OSBP2: variants seen among roughly 807,000 people sequenced by gnomAD.
The protein encoded by OSBP2 is oxysterol binding protein 2.
In OSBP2, 66 loss-of-function variants were observed where a neutral mutation model predicts 96.0. The observed-to-expected ratio is 0.69, with a 90% CI of 0.56 to 0.84. OSBP2 has a LOEUF of 0.84. OSBP2 is among the 40% of genes least tolerant of loss of function. OSBP2 has a pLI of 0.00. For synonymous variants in OSBP2, 525 were observed against 520.9 expected (o/e 1.01, Z -0.11); for missense variants, 1,038 against 1,222.7 (o/e 0.85, Z 2.25).
intron 1 of OSBP2, among the ~76,000 whole-genome samples, chr22:30,707,386 C>T (rs555558564): frequency 1.3e-5 from 2 of 152,242 alleles, no homozygotes; most frequent in South Asian, 2.1e-4. Context: ...CGTGAGCCAC[C>T]GTGCCCGGCC....
At chr22:30,718,833 G>C (rs2089502014) in intron 1 of OSBP2, among the ~76,000 whole-genome samples, 1 of 152,242 alleles carries the variant, frequency 6.6e-6, no homozygotes, top group African/African-American at 2.4e-5. Flanking sequence ...CATGGGAACA[G>C]GGCTGATGGT....
intron 2 of OSBP2, among the ~76,000 whole-genome samples, chr22:30,858,842 G>T (rs2039143079): frequency 6.6e-6 from 1 of 151,068 alleles, no homozygotes; most frequent in Non-Finnish European, 1.5e-5. Flanking sequence ...TCGTACCACT[G>T]CACTCCAGGC....
intron 2 of OSBP2, among the ~76,000 whole-genome samples, chr22:30,799,298 C>G (rs190025368): frequency 1.4e-4 from 21 of 152,232 alleles, no homozygotes; most frequent in Middle Eastern, 3.4e-3. Flanking sequence ...TTAATAGAGA[C>G]AGGGTCTCAC....
chr22:30,787,811 A>G (rs753395675), intron 2 of OSBP2, among the ~76,000 whole-genome samples: 140 of 152,326 alleles, frequency 9.2e-4, no homozygotes, highest in Non-Finnish European at 1.8e-3. Flanking sequence ...AAGCCAAACC[A>G]TATCACCACT....
chr22:30,779,412 G>A (rs1008701716), intron 2 of OSBP2, among the ~76,000 whole-genome samples: 1 of 151,942 alleles, frequency 6.6e-6, no homozygotes. Context: ...TAAAATTTTG[G>A]TTTTTATATA....
At chr22:30,886,128 G>A (rs1017520688) in intron 3 of OSBP2, among the ~76,000 whole-genome samples, 4 of 152,252 alleles carry the variant, frequency 2.6e-5, no homozygotes, top group African/African-American at 9.6e-5. Flanking sequence ...GGGAGGTCCT[G>A]AGAACATGTG....
chr22:30,865,066 C>T (rs1489461291), intron 2 of OSBP2, among the ~76,000 whole-genome samples: 1 of 152,182 alleles, frequency 6.6e-6, no homozygotes, highest in East Asian at 1.9e-4. Context: ...ATCTGTTTTC[C>T]TCCAAAGATG....
intron 2 of OSBP2, among the ~76,000 whole-genome samples, chr22:30,772,526 G>A (rs2090361923): frequency 6.6e-6 from 1 of 152,172 alleles, no homozygotes; most frequent in Non-Finnish European, 1.5e-5. Flanking sequence ...TGTTTTGTGA[G>A]CTCAGCCAGA....
At chr22:30,725,259 C>T (rs1042981470) in intron 1 of OSBP2, among the ~76,000 whole-genome samples, 3 of 151,450 alleles carry the variant, frequency 2.0e-5, no homozygotes, top group African/African-American at 4.8e-5. Context: ...AATCCCAGCA[C>T]TTTGGGAGGC....
At chr22:30,855,207 A>G (rs1273945211) in intron 2 of OSBP2, among the ~76,000 whole-genome samples, 2 of 152,126 alleles carry the variant, frequency 1.3e-5, no homozygotes, top group African/African-American at 4.8e-5. Flanking sequence ...TTTCCCCTTC[A>G]TTTTGGAAGG....
At chr22:30,832,688 C>T (rs777197294) in intron 2 of OSBP2, among the ~76,000 whole-genome samples, 4 of 152,198 alleles carry the variant, frequency 2.6e-5, no homozygotes, top group East Asian at 1.9e-4. Context: ...ATCACGGTCA[C>T]GATCTCCTTG....
At chr22:30,738,500 A>G (rs1412038049) in intron 1 of OSBP2, among the ~76,000 whole-genome samples, 1 of 152,170 alleles carries the variant, frequency 6.6e-6, no homozygotes. Context: ...TCTCTAAGGA[A>G]TGTGCCCAAA....
At chr22:30,884,956 G>C (rs2039779055) in intron 3 of OSBP2, among the ~76,000 whole-genome samples, 1 of 152,234 alleles carries the variant, frequency 6.6e-6, no homozygotes, top group Non-Finnish European at 1.5e-5. Flanking sequence ...CGTTGCCTGG[G>C]AGAGCGATGC....
At chr22:30,794,721 C>T (rs905795432) in intron 2 of OSBP2, among the ~76,000 whole-genome samples, 66 of 150,410 alleles carry the variant, frequency 4.4e-4, no homozygotes, top group African/African-American at 1.5e-3. Flanking sequence ...CACCTAAACC[C>T]GGGAGGTGGA....
chr22:30,729,067 C>A (rs373992715), intron 1 of OSBP2, among the ~76,000 whole-genome samples: 1 of 152,114 alleles, frequency 6.6e-6, no homozygotes, highest in African/African-American at 2.4e-5. Context: ...TGATAACTGA[C>A]GAGGTTGAGT....
intron 3 of OSBP2, among the ~76,000 whole-genome samples, chr22:30,885,912 G>T (rs1270513505): frequency 6.6e-6 from 1 of 152,218 alleles, no homozygotes; most frequent in African/African-American, 2.4e-5. Context: ...TTGCTGGGCG[G>T]GCTCTGAGAA....
At chr22:30,866,267 G>A (rs1426426084) in intron 2 of OSBP2, among the ~76,000 whole-genome samples, 1 of 152,228 alleles carries the variant, frequency 6.6e-6, no homozygotes, top group Non-Finnish European at 1.5e-5. Context: ...GAGAGTAGAA[G>A]ATGCCTCTTT....
At chr22:30,810,749 C>A (rs1015849901) in intron 2 of OSBP2, among the ~76,000 whole-genome samples, 2 of 152,178 alleles carry the variant, frequency 1.3e-5, no homozygotes, top group African/African-American at 4.8e-5. Context: ...CCAAATGATC[C>A]AGCCCCTCTC....
rs561975380 is a variant in OSBP2, at chr22:30,906,708, T to A, written c.*369T>A. 5.9e-4 allele frequency: 114 copies of A among 192,680 alleles called. No individual in the cohort carries two copies. Among genetic ancestry groups the A allele is most frequent in the Non-Finnish European group, 8.9e-4 (84 of 94,832 alleles). 11.9% of individuals were successfully genotyped at this position (192,680 alleles called of 1,614,324 possible). ...GCCCCTCCTAGGGAGCCTCTTCGAC[T>A]TTTTTAGAAAAATGATCTCCATTTC... On this transcript the variant is annotated 3_prime_UTR_variant, in exon 14 of 14. Coordinates refer to ENST00000332585, the MANE Select transcript of OSBP2 (RefSeq NM_030758.4).
Sources: allele counts gnomAD v4.1 joint callset (sites outside exome capture counted in the v4.1 genomes callset), GRCh38; gene constraint gnomAD v4.1.1; transcripts MANE v1.5; gene names NCBI Gene and HGNC (gene_info 2026-07-23, HGNC 2026-07-21).